The following CYFIP2 variants were observed in gnomAD, a reference collection of about 807,000 sequenced individuals.
CYFIP2 encodes cytoplasmic FMR1 interacting protein 2, also known as cytoplasmic FMR1-interacting protein 2.
Under a neutral mutation model 158.7 loss-of-function variants are expected in CYFIP2, and 29 were observed. The ratio of observed to expected loss-of-function variants is 0.18; its 90% confidence interval spans 0.14 to 0.25. CYFIP2 has a LOEUF of 0.25. Ranked by LOEUF, CYFIP2 falls within the 10% of genes least tolerant of loss-of-function variation. CYFIP2 has a pLI of 1.00. For missense variants in CYFIP2, 852 were observed against 1,639.5 expected, an observed-to-expected ratio of 0.52 and a Z score of 8.29; for synonymous variants, 585 against 617.6, an observed-to-expected ratio of 0.95 and a Z score of 0.78.
chr5:157,280,278 C>A (rs532922878), intron 1 of CYFIP2, among the ~76,000 whole-genome samples: 2 of 152,060 alleles, frequency 1.3e-5, no homozygotes, highest in Admixed American at 6.5e-5. Flanking sequence ...CTCACTGCAA[C>A]CTCTGCCTCC....
At chr5:157,290,838 G>A (rs1004718455) in intron 3 of CYFIP2, among the ~76,000 whole-genome samples, 3 of 152,162 alleles carry the variant, frequency 2.0e-5, no homozygotes, top group Admixed American at 6.5e-5. Context: ...GTCCCCACTT[G>A]GGCAAGGTGA....
In CYFIP2 at chr5:157,361,647, T is replaced by C. The variant is rs1763834342; in HGVS notation, c.3039+49T>C. 1 of 1,610,184 alleles carries C rather than the reference T, an allele frequency of 6.2e-7. No individual in the cohort carries two copies. The highest frequency in any genetic ancestry group is 1.7e-5 in the Admixed American group (1 of 59,794). ...TGGGGTGTCTCCAGGTTGGAGGGGA[T>C]GCCAACCCCAAGCAGATATTGAGGC... is the stretch of plus-strand genomic sequence containing the variant. On this transcript the variant is annotated intron_variant, in intron 26 of 30. Coordinates refer to ENST00000620254, the MANE Select transcript of CYFIP2 (RefSeq NM_001037333.3). This position sits in a 1 kb window ranked among gnomAD's most constrained non-coding sequence, Gnocchi z 4.4.
At position 157,395,446 on chromosome 5, in the gene CYFIP2, C is replaced by T. The variant is rs375053822; in HGVS notation, c.*2446C>T. On this transcript the variant is annotated 3_prime_UTR_variant, in exon 31 of 31. Transcript: ENST00000620254. Reference sequence around the variant, plus strand: ...ACATTTATTTATGGTGACATATTTACGCTTGTGATCAAATAATGATGTTAA... The same window carrying T: ...ACATTTATTTATGGTGACATATTTATGCTTGTGATCAAATAATGATGTTAA... 163 of 417,242 alleles carry T rather than the reference C, an allele frequency of 3.9e-4. No homozygotes were observed. The highest frequency in any genetic ancestry group is 3.4e-3 in the East Asian group (46 of 13,728). 25.8% of individuals were successfully genotyped at this position (417,242 alleles called of 1,614,324 possible). A position where few individuals can be genotyped will look rare whatever the true frequency, so the allele number is the denominator to read the frequency against.
At chr5:157,305,302 C>CT (rs1281540748) in intron 8 of CYFIP2, among the ~76,000 whole-genome samples, 1 of 152,146 alleles carries the variant, frequency 6.6e-6, no homozygotes, top group African/African-American at 2.4e-5. Context: ...GGTAATTCTA[C>CT]TTTTAGTTCT....
At chr5:157,273,014 G>C (rs1756236821) in intron 1 of CYFIP2, among the ~76,000 whole-genome samples, 1 of 152,060 alleles carries the variant, frequency 6.6e-6, no homozygotes, top group Admixed American at 6.6e-5. Flanking sequence ...TTACAGGCGT[G>C]TGCTATGACA....
rs1034847244 is a variant in CYFIP2, at chr5:157,361,908, A to G, written c.3039+310A>G. On this transcript the variant is annotated intron_variant, in intron 26 of 30. Transcript: ENST00000620254. The surrounding 1 kb of genome is among the most constrained non-coding windows in gnomAD (Gnocchi z 4.4). Reference sequence around the variant, plus strand: ...AGGAGAAAGGAGGGTGTTTATTTTCAGAGTACCAAGCAAGGAGAACTGAGC... The same window carrying G: ...AGGAGAAAGGAGGGTGTTTATTTTCGGAGTACCAAGCAAGGAGAACTGAGC... Among the ~76,000 whole-genome samples the G allele has an allele frequency of 6.6e-6, 1 of 152,194 alleles. No individual in the cohort carries two copies. Among genetic ancestry groups the G allele is most frequent in the African/African-American group, 2.4e-5 (1 of 41,436 alleles).
At chr5:157,328,266 G>A (rs909781925) in intron 19 of CYFIP2, among the ~76,000 whole-genome samples, 7 of 152,196 alleles carry the variant, frequency 4.6e-5, no homozygotes, top group Admixed American at 2.6e-4. Flanking sequence ...GACAGACATC[G>A]ACTAAAAGCC....
intron 1 of CYFIP2, among the ~76,000 whole-genome samples, chr5:157,278,574 C>T (rs576591878): frequency 3.9e-4 from 59 of 152,270 alleles, no homozygotes; most frequent in African/African-American, 1.3e-3. Flanking sequence ...TCCTCAGAAA[C>T]ACAGCAAAAA....
At chr5:157,333,521 A>G in intron 21 of CYFIP2, 75 bp downstream of exon 21, 1 of 1,601,092 alleles carries the variant, frequency 6.2e-7, no homozygotes, top group Non-Finnish European at 8.5e-7. Flanking sequence ...GACTGTAGTT[A>G]GTCTAGTGCT....
intron 11 of CYFIP2, among the ~76,000 whole-genome samples, chr5:157,312,250 T>A (rs1759787468): frequency 6.6e-6 from 1 of 151,796 alleles, no homozygotes; most frequent in African/African-American, 2.4e-5. Context: ...GTAATATACT[T>A]AAGGGCAGAT....
At position 157,361,449 on chromosome 5, in the gene CYFIP2, AC is replaced by A; in HGVS notation, c.2909-15del. On this transcript the variant is annotated intron_variant, in intron 25 of 30. Coordinates refer to ENST00000620254, the MANE Select transcript of CYFIP2 (RefSeq NM_001037333.3). The surrounding 1 kb of genome is among the most constrained non-coding windows in gnomAD (Gnocchi z 4.4). ...GAGCAGTGTCAACTTCCCACTGACC[AC>A]CCCGATTCACCTCCCAGGGATCCTG... 1 of 1,613,454 alleles carries A rather than the reference AC, an allele frequency of 6.2e-7. No individual in the cohort carries two copies. The highest frequency in any genetic ancestry group is 8.5e-7 in the Non-Finnish European group (1 of 1,179,834).
At position 157,393,108 on chromosome 5, in the gene CYFIP2, G is replaced by A. The variant is rs944658028; in HGVS notation, c.*108G>A. 3.7e-6 allele frequency: 5 copies of A among 1,334,488 alleles called. No homozygotes were observed. The highest frequency in any genetic ancestry group is 2.4e-5 in the Admixed American group (1 of 41,346). The allele number at this position is 1,334,488 out of a possible 1,614,324, so 82.7% of individuals were successfully genotyped here. On this transcript the variant is annotated 3_prime_UTR_variant, in exon 31 of 31. Transcript: ENST00000620254. ...ACTGGACAACGTGTGGGATGGACCTGGAAACAAGCACCTCCCCAAACACAT... is the reference window on the plus strand; with the variant it reads ...ACTGGACAACGTGTGGGATGGACCTAGAAACAAGCACCTCCCCAAACACAT...
Position 157,361,319 on chromosome 5 carries a change from C to A in CYFIP2, c.2909-149C>A. On this transcript the variant is annotated intron_variant, in intron 25 of 30. Coordinates refer to ENST00000620254, the MANE Select transcript of CYFIP2 (RefSeq NM_001037333.3). The surrounding 1 kb of genome is among the most constrained non-coding windows in gnomAD (Gnocchi z 4.4). ...TCCAGTACTGAGCCCTGAAAGAAAT[C>A]TCACTCTGGGCCTGCAGGTAAGAGG... 1 of 939,564 alleles carries A rather than the reference C, an allele frequency of 1.1e-6. No homozygotes were observed. The highest frequency in any genetic ancestry group is 1.6e-6 in the Non-Finnish European group (1 of 633,674). 58.2% of individuals were successfully genotyped at this position (939,564 alleles called of 1,614,324 possible).
intron 8 of CYFIP2, 65 bp downstream of exon 8, chr5:157,304,431 A>G (rs1479708821): frequency 3.9e-5 from 60 of 1,524,610 alleles, no homozygotes; most frequent in Non-Finnish European, 5.0e-5. Context: ...TTCTTATTAA[A>G]AATCCGTTTT....
At position 157,315,106 on chromosome 5, in the gene CYFIP2, C is replaced by A; in HGVS notation, c.1356+12C>A. The A allele has an allele frequency of 1.9e-6, 3 of 1,612,944 alleles. No homozygotes were observed. The highest frequency in any genetic ancestry group is 2.5e-6 in the Non-Finnish European group (3 of 1,179,414). On this transcript the variant is annotated intron_variant, in intron 13 of 30. Coordinates refer to ENST00000620254, the MANE Select transcript of CYFIP2 (RefSeq NM_001037333.3). ...TTGCCTTCGTTGAGGTAGGTGCAGA[C>A]TCCCTGCATCTCCCTCCCTCCCCAA...
chr5:157,272,306 G>A (rs28674133), intron 1 of CYFIP2, among the ~76,000 whole-genome samples: 4,941 of 152,288 alleles, frequency 0.032, 305 homozygotes, highest in African/African-American at 0.11. Context: ...GACAGGAGCA[G>A]GGGACTGAAA....
At chr5:157,322,625 G>A (rs896068670) in intron 15 of CYFIP2, among the ~76,000 whole-genome samples, 1 of 152,180 alleles carries the variant, frequency 6.6e-6, no homozygotes, top group Non-Finnish European at 1.5e-5. Flanking sequence ...AGGCACTGAC[G>A]GCCACTGTGG....
intron 28 of CYFIP2, chr5:157,384,494 G>C (rs994151705): frequency 1.3e-5 from 6 of 456,658 alleles, no homozygotes; most frequent in East Asian, 7.0e-5. Context: ...AATCCTCAGC[G>C]GAGGACAGAA....
intron 1 of CYFIP2, among the ~76,000 whole-genome samples, chr5:157,267,717 G>A (rs1344530404): frequency 6.6e-6 from 1 of 152,262 alleles, no homozygotes; most frequent in African/African-American, 2.4e-5. Flanking sequence ...ACAGAGGATG[G>A]AGGCATTTTA....
Sources: gnomAD v4.1 joint callset for allele counts (sites outside exome capture counted in the v4.1 genomes callset) on GRCh38, gnomAD v4.1.1 for gene constraint, Gnocchi (gnomAD v3.1) non-coding constraint, MANE v1.5 for transcripts, NCBI Gene and HGNC (gene_info 2026-07-23, HGNC 2026-07-21) for gene names.